The following NXN variants were observed in gnomAD, a reference collection of about 807,000 sequenced individuals.
The protein encoded by NXN is nucleoredoxin 1.
NXN carries 16 observed loss-of-function variants against 48.6 expected under a neutral mutation model. The ratio of observed to expected loss-of-function variants is 0.33; its 90% CI spans 0.22 to 0.50. The LOEUF (loss-of-function observed/expected upper bound fraction) is 0.50, where lower values mean the gene tolerates loss of function less well. Among genes scored for constraint, NXN ranks in the 20% least tolerant of loss-of-function variants. NXN has a pLI of 0.98. For missense variants in NXN, 492 were observed against 605.5 expected (o/e 0.81, Z 1.97); for synonymous variants, 281 against 269.6 (o/e 1.04, Z -0.41).
chr17:907,411 C>T (rs1425798860), intron 1 of NXN, among the ~76,000 whole-genome samples: 4 of 151,522 alleles, frequency 2.6e-5, no homozygotes, highest in Admixed American at 6.6e-5. Flanking sequence ...GTGATCTCAG[C>T]TCACTGCAAG....
At chr17:813,205 C>G (rs982321510) in intron 5 of NXN, among the ~76,000 whole-genome samples, 1 of 152,252 alleles carries the variant, frequency 6.6e-6, no homozygotes, top group African/African-American at 2.4e-5. Context: ...ATGCACAGTT[C>G]CTTCAGAGGT....
At chr17:858,344 T>C (rs184177864) in intron 1 of NXN, among the ~76,000 whole-genome samples, 94 of 152,196 alleles carry the variant, frequency 6.2e-4, no homozygotes, top group African/African-American at 2.2e-3. Flanking sequence ...AAAATGAGTA[T>C]ATTTAAAGAA....
At chr17:939,342 A>T (rs1404029836) in intron 1 of NXN, among the ~76,000 whole-genome samples, 1 of 139,428 alleles carries the variant, frequency 7.2e-6, no homozygotes, top group Admixed American at 7.9e-5. Context: ...ATTAGAAATC[A>T]GCTTTTTTTT....
intron 5 of NXN, among the ~76,000 whole-genome samples, chr17:806,092 G>C (rs1911485643): frequency 6.8e-6 from 1 of 146,006 alleles, no homozygotes; most frequent in South Asian, 2.2e-4. Flanking sequence ...GAGACTCGAA[G>C]AGGAGGACAG....
chr17:974,813 TTTTA>T (rs34003449), intron 1 of NXN, among the ~76,000 whole-genome samples: 31,880 of 150,110 alleles, frequency 0.21, 4,848 homozygotes, highest in African/African-American at 0.43. Context: ...ATTACTTTAT[TTTTA>T]TTTATTTATT....
rs1035962572 is a variant in NXN at position 869,928 on chromosome 17, G to A, written c.361-43850C>T. Among the ~76,000 whole-genome samples, 11 of 152,230 alleles carry A rather than the reference G, an allele frequency of 7.2e-5. No individual in the cohort carries two copies. The East Asian group carries it at 2.1e-3, about 29-fold the overall frequency. On this transcript the variant is annotated intron_variant, in intron 1 of 7. Coordinates refer to ENST00000336868, the MANE Select transcript of NXN (RefSeq NM_022463.5). ...AGAGCTCTCGTACTTAGGAAGGAAA[G>A]GATGGTGCCAGGCGCTTGGTGCTTG...
chr17:816,919 C>G (rs1340423724), intron 5 of NXN, among the ~76,000 whole-genome samples: 1 of 152,198 alleles, frequency 6.6e-6, no homozygotes, highest in Admixed American at 6.5e-5. Flanking sequence ...GCACGGGCAC[C>G]TTAAGTGTCT....
intron 1 of NXN, among the ~76,000 whole-genome samples, chr17:838,125 T>TA (rs1407211438): frequency 0.026 from 3,471 of 136,038 alleles, 112 homozygotes; most frequent in East Asian, 0.2. Flanking sequence ...TTCCTTTCCT[T>TA]CTTTTTTTTT....
intron 1 of NXN, among the ~76,000 whole-genome samples, chr17:972,289 C>T (rs572936494): frequency 6.6e-6 from 1 of 151,720 alleles, no homozygotes; most frequent in South Asian, 2.1e-4. Flanking sequence ...GCAACAAGAA[C>T]AAAACTCCAT....
chr17:803,592 T>G (rs1597607299), intron 7 of NXN, 90 bp downstream of exon 7: 12 of 1,541,212 alleles, frequency 7.8e-6, no homozygotes, highest in South Asian at 1.1e-5. Flanking sequence ...GACCCTGGGG[T>G]CCTTTCAGGC....
At chr17:967,021 G>A (rs1232206166) in intron 1 of NXN, among the ~76,000 whole-genome samples, 2 of 152,010 alleles carry the variant, frequency 1.3e-5, no homozygotes, top group African/African-American at 4.8e-5. Flanking sequence ...GGTGTGTTGG[G>A]GTCACTGGAA....
chr17:956,544 G>C lies in NXN; in HGVS notation c.360+22775C>G, dbSNP rs966875239. The stretch of plus-strand genomic sequence containing the variant: ...TTCTCCTGCCTCAGCCTCCCAAGTA[G>C]CTGGGACTACAGGCGCCCGCCACCA... On this transcript the variant is annotated intron_variant, in intron 1 of 7. Coordinates refer to ENST00000336868, the MANE Select transcript of NXN (RefSeq NM_022463.5). This position sits in a 1 kb window ranked among gnomAD's most constrained non-coding sequence, Gnocchi z 4.1. Among the ~76,000 whole-genome samples the C allele has an allele frequency of 7.9e-5, 12 of 152,126 alleles. No individual in the cohort carries two copies. Among genetic ancestry groups the C allele is most frequent in the Non-Finnish European group, 1.5e-4 (10 of 68,038 alleles).
chr17:963,653 T>G lies in NXN; in HGVS notation c.360+15666A>C, dbSNP rs552749191. ...TTTTTTTTTAAAATGCTAAATTGATTTGCGCAAAAAACCATTTAAGCATAT... is the reference window on the plus strand; with the variant it reads ...TTTTTTTTTAAAATGCTAAATTGATGTGCGCAAAAAACCATTTAAGCATAT... On this transcript the variant is annotated intron_variant, in intron 1 of 7. Transcript: ENST00000336868. Among the ~76,000 whole-genome samples the G allele has an allele frequency of 1.2e-4, 18 of 152,032 alleles. No individual in the cohort carries two copies. The South Asian group carries it at 3.1e-3, about 26-fold the overall frequency.
At position 957,790 on chromosome 17, in the gene NXN, A is replaced by C. The variant is rs149581657; in HGVS notation, c.360+21529T>G. 1.2e-4 allele frequency among the ~76,000 whole-genome samples: 18 copies of C among 152,138 alleles called. No homozygotes were observed. In the East Asian group the frequency reaches 3.5e-3, roughly 29 times the overall value. ...GTTTCCTGTCCTGTGGCATGTCTGGAACCCAGACTCTCTTTCTCAGTCCAA... is the reference window on the plus strand; with the variant it reads ...GTTTCCTGTCCTGTGGCATGTCTGGCACCCAGACTCTCTTTCTCAGTCCAA... On this transcript the variant is annotated intron_variant, in intron 1 of 7. Transcript: ENST00000336868.
At chr17:910,360 C>T (rs1342429358) in intron 1 of NXN, among the ~76,000 whole-genome samples, 1 of 151,220 alleles carries the variant, frequency 6.6e-6, no homozygotes, top group Non-Finnish European at 1.5e-5. Flanking sequence ...TGTGGTGAGC[C>T]GAGATCGCGC....
chr17:952,149 G>T (rs1446432608), intron 1 of NXN, among the ~76,000 whole-genome samples: 2 of 151,506 alleles, frequency 1.3e-5, no homozygotes, highest in Non-Finnish European at 2.9e-5. Context: ...GCCACAGGAG[G>T]TTGCAGAAAA....
intron 1 of NXN, among the ~76,000 whole-genome samples, chr17:862,212 C>T (rs752819410): frequency 6.6e-6 from 1 of 151,824 alleles, no homozygotes; most frequent in Non-Finnish European, 1.5e-5. Context: ...CTGCAATAAT[C>T]AATGTAGAAA....
At chr17:945,461 C>G (rs1187129189) in intron 1 of NXN, among the ~76,000 whole-genome samples, 1 of 151,126 alleles carries the variant, frequency 6.6e-6, no homozygotes, top group Non-Finnish European at 1.5e-5. Context: ...AACCCCGTCT[C>G]TACTAAAAAT....
At chr17:952,179 G>A (rs1290024595) in intron 1 of NXN, among the ~76,000 whole-genome samples, 1 of 127,174 alleles carries the variant, frequency 7.9e-6, no homozygotes, top group Middle Eastern at 4.3e-3. Context: ...CACTGTGGGG[G>A]GGCTGGGGTC....
Sources: allele counts gnomAD v4.1 joint callset (sites outside exome capture counted in the v4.1 genomes callset), GRCh38; gene constraint gnomAD v4.1.1; non-coding constraint Gnocchi (gnomAD v3.1); transcripts MANE v1.5; gene names NCBI Gene and HGNC (gene_info 2026-07-23, HGNC 2026-07-21).